CCDC102B: variants seen among roughly 807,000 people sequenced by gnomAD.
CCDC102B encodes coiled-coil domain-containing protein 102B.
A neutral mutation model predicts 57.4 loss-of-function variants in CCDC102B; 75 were observed. That is an observed-to-expected ratio of 1.31 (90% confidence interval 1.08 to 1.58). The LOEUF (loss-of-function observed/expected upper bound fraction) is 1.58, where lower values mean the gene tolerates loss of function less well. Among genes scored for constraint, CCDC102B ranks in the 40% most tolerant of loss-of-function variants. The pLI, the probability that CCDC102B is intolerant of heterozygous loss-of-function variation, is 0.00. For synonymous variants in CCDC102B, 206 were observed against 201.9 expected, an observed-to-expected ratio of 1.02 and a Z score of -0.17; for missense variants, 636 against 582.6, an observed-to-expected ratio of 1.09 and a Z score of -0.94.
intron 6 of CCDC102B, among the ~76,000 whole-genome samples, chr18:68,955,158 T>A (rs1191702236): frequency 6.6e-6 from 1 of 152,172 alleles, no homozygotes; most frequent in Non-Finnish European, 1.5e-5. Context: ...TAAACTGAGT[T>A]TAAAAAATAA....
intron 6 of CCDC102B, among the ~76,000 whole-genome samples, chr18:69,004,604 C>G (rs1440435729): frequency 1.3e-5 from 2 of 152,074 alleles, no homozygotes; most frequent in Non-Finnish European, 2.9e-5. Flanking sequence ...ATTTTTCCTG[C>G]TTTTCTTCCA....
intron 1 of CCDC102B, among the ~76,000 whole-genome samples, chr18:68,827,011 C>A (rs2036931000): frequency 1.3e-5 from 2 of 151,556 alleles, no homozygotes; most frequent in Non-Finnish European, 2.9e-5. Flanking sequence ...GCCACAAAGG[C>A]TACAAGGAGA....
intron 6 of CCDC102B, among the ~76,000 whole-genome samples, chr18:68,909,980 T>G (rs1483090113): frequency 6.6e-6 from 1 of 152,172 alleles, no homozygotes; most frequent in African/African-American, 2.4e-5. Flanking sequence ...TAGATGACCT[T>G]TTATGAAATG....
chr18:68,867,730 C>A (rs2039058496), intron 4 of CCDC102B, among the ~76,000 whole-genome samples: 1 of 151,890 alleles, frequency 6.6e-6, no homozygotes, highest in Non-Finnish European at 1.5e-5. Flanking sequence ...GTCAGGAGAT[C>A]GACACCATCC....
At chr18:68,739,524 C>T (rs897296182) in intron 2 of CCDC102B, among the ~76,000 whole-genome samples, 1 of 152,054 alleles carries the variant, frequency 6.6e-6, no homozygotes, top group Non-Finnish European at 1.5e-5. Flanking sequence ...CTGAGCCTGC[C>T]CATGTTTGAT....
chr18:68,878,040 G>A (rs189855098), intron 5 of CCDC102B, among the ~76,000 whole-genome samples: 139 of 152,310 alleles, frequency 9.1e-4, no homozygotes, highest in Non-Finnish European at 1.7e-3. Context: ...TAAGAATGGA[G>A]GAAGGGCAAA....
intron 6 of CCDC102B, among the ~76,000 whole-genome samples, chr18:68,966,851 C>A (rs1048507070): frequency 6.6e-6 from 1 of 152,068 alleles, no homozygotes; most frequent in Non-Finnish European, 1.5e-5. Flanking sequence ...CCAGAGAGTT[C>A]TTTTCTGTTT....
intron 4 of CCDC102B, among the ~76,000 whole-genome samples, chr18:68,854,327 C>T (rs1275046797): frequency 6.6e-6 from 1 of 152,034 alleles, no homozygotes; most frequent in African/African-American, 2.4e-5. Context: ...CTGGAACTCC[C>T]GACCTCAGGT....
intron 2 of CCDC102B, among the ~76,000 whole-genome samples, chr18:68,785,086 T>G (rs2035152132): frequency 6.6e-6 from 1 of 151,480 alleles, no homozygotes; most frequent in Non-Finnish European, 1.5e-5. Context: ...TGTTTGGTTT[T>G]TTGTTCTTGC....
chr18:68,919,804 G>A (rs2041210443), intron 6 of CCDC102B, among the ~76,000 whole-genome samples: 1 of 151,952 alleles, frequency 6.6e-6, no homozygotes, highest in African/African-American at 2.4e-5. Flanking sequence ...TATTCTAAGG[G>A]AGAGAATGTC....
chr18:68,979,390 C>G lies in CCDC102B; in HGVS notation c.1264-31544C>G, dbSNP rs144767464. ...TACAAACTCCAGGACAAAATAGAAA[C>G]TCTCTAGTTCATTTAACAGCATGAA... On this transcript the variant is annotated intron_variant, in intron 6 of 7. Coordinates refer to ENST00000360242, the MANE Select transcript of CCDC102B (RefSeq NM_024781.3). 4.2e-3 allele frequency among the ~76,000 whole-genome samples: 645 copies of G among 151,970 alleles called. 8 individuals carry two copies. Among genetic ancestry groups the G allele is most frequent in the African/African-American group, 0.015 (620 of 41,474 alleles).
At chr18:69,028,495 TGG>T (rs2145437572) in intron 7 of CCDC102B, among the ~76,000 whole-genome samples, 1 of 152,238 alleles carries the variant, frequency 6.6e-6, no homozygotes, top group Non-Finnish European at 1.5e-5. Flanking sequence ...GGAAGGACAG[TGG>T]TATGTCTGGT....
intron 1 of CCDC102B, among the ~76,000 whole-genome samples, chr18:68,817,367 T>A (rs1402711525): frequency 1.3e-5 from 2 of 152,230 alleles, no homozygotes; most frequent in Non-Finnish European, 2.9e-5. Flanking sequence ...TTCATAAACA[T>A]AATGAACAAA....
At chr18:68,767,051 T>G (rs962035442) in intron 2 of CCDC102B, among the ~76,000 whole-genome samples, 1 of 152,202 alleles carries the variant, frequency 6.6e-6, no homozygotes, top group African/African-American at 2.4e-5. Flanking sequence ...AAATGTAATA[T>G]GCTCCTTGAA....
At chr18:68,930,791 G>C (rs2041645072) in intron 6 of CCDC102B, among the ~76,000 whole-genome samples, 2 of 151,810 alleles carry the variant, frequency 1.3e-5, no homozygotes, top group Non-Finnish European at 2.9e-5. Flanking sequence ...TCTTCAATAG[G>C]CTCTATGGTT....
chr18:68,785,059 T>C (rs2035150660), intron 2 of CCDC102B, among the ~76,000 whole-genome samples: 1 of 147,512 alleles, frequency 6.8e-6, no homozygotes, highest in South Asian at 2.2e-4. Flanking sequence ...TTCCCACCTA[T>C]GAGTGAGAAT....
At chr18:68,952,663 A>G (rs1231694717) in intron 6 of CCDC102B, among the ~76,000 whole-genome samples, 1 of 152,152 alleles carries the variant, frequency 6.6e-6, no homozygotes, top group Non-Finnish European at 1.5e-5. Flanking sequence ...TCAGTGAGTA[A>G]GTGAAGGGCG....
At chr18:68,940,040 A>G (rs925467024) in intron 6 of CCDC102B, among the ~76,000 whole-genome samples, 3 of 151,788 alleles carry the variant, frequency 2.0e-5, no homozygotes, top group East Asian at 1.9e-4. Context: ...AAATTCAAAT[A>G]TCATTTTTTC....
At chr18:68,980,061 C>T (rs929848482) in intron 6 of CCDC102B, among the ~76,000 whole-genome samples, 1 of 151,922 alleles carries the variant, frequency 6.6e-6, no homozygotes, top group Admixed American at 6.6e-5. Flanking sequence ...CAGAATGTGA[C>T]ACTTCAGAGT....
Sources: allele counts gnomAD v4.1 joint callset (sites outside exome capture counted in the v4.1 genomes callset), GRCh38; gene constraint gnomAD v4.1.1; transcripts MANE v1.5; gene names NCBI Gene and HGNC (gene_info 2026-07-23, HGNC 2026-07-21).